The following CNTNAP2 variants were observed in gnomAD, a reference collection of about 807,000 sequenced individuals.
CNTNAP2 encodes contactin associated protein 2.
A neutral mutation model predicts 155.2 loss-of-function variants in CNTNAP2; 98 were observed. The ratio of observed to expected loss-of-function variants is 0.63; its 90% confidence interval spans 0.54 to 0.75. The LOEUF (loss-of-function observed/expected upper bound fraction) is 0.75, where lower values mean the gene tolerates loss of function less well. CNTNAP2 is among the 30% of genes least tolerant of loss of function. The pLI is 0.00. For synonymous variants in CNTNAP2, 651 were observed against 631.2 expected (o/e 1.03, Z -0.47); for missense variants, 1,727 against 1,688.1 (o/e 1.02, Z -0.40).
chr7:147,641,190 C>G (rs986697625), intron 13 of CNTNAP2, among the ~76,000 whole-genome samples: 92 of 152,322 alleles, frequency 6.0e-4, no homozygotes, highest in African/African-American at 2.0e-3. Flanking sequence ...GACCCCTTTT[C>G]CCCTCTATGT....
intron 1 of CNTNAP2, among the ~76,000 whole-genome samples, chr7:146,731,730 G>T (rs966847835): frequency 6.6e-6 from 1 of 152,084 alleles, no homozygotes; most frequent in Admixed American, 6.6e-5. Flanking sequence ...AAAATTATTT[G>T]TGCCTGGGAT....
intron 8 of CNTNAP2, among the ~76,000 whole-genome samples, chr7:147,276,514 G>C (rs1247017202): frequency 1.3e-5 from 2 of 151,974 alleles, no homozygotes; most frequent in African/African-American, 2.4e-5. Context: ...TCTCAGCTAT[G>C]TTACAGATAC....
chr7:147,110,099 A>G (rs182627939), intron 5 of CNTNAP2, among the ~76,000 whole-genome samples: 2 of 151,826 alleles, frequency 1.3e-5, no homozygotes, highest in African/African-American at 4.8e-5. Context: ...TAATTTTTGT[A>G]TTTTTAGTAG....
chr7:147,473,721 A>G (rs1231474060), intron 10 of CNTNAP2, among the ~76,000 whole-genome samples: 1 of 152,190 alleles, frequency 6.6e-6, no homozygotes, highest in Non-Finnish European at 1.5e-5. Context: ...ATGTAGATAG[A>G]TAGATATGGA....
intron 1 of CNTNAP2, among the ~76,000 whole-genome samples, chr7:146,539,606 C>T (rs1340263179): frequency 6.6e-6 from 1 of 151,810 alleles, no homozygotes; most frequent in East Asian, 1.9e-4. Flanking sequence ...TCTTATGGAG[C>T]AGTGCTGTTT....
intron 17 of CNTNAP2, 149 bp from the exon 18 acceptor site, chr7:148,172,093 C>G (rs1297309546): frequency 2.5e-6 from 2 of 798,286 alleles, no homozygotes; most frequent in Non-Finnish European, 4.2e-6. Context: ...AAAGCTTCAA[C>G]TTTCTCTATT....
chr7:146,950,783 A>G (rs1584743649), intron 3 of CNTNAP2, among the ~76,000 whole-genome samples: 1 of 152,124 alleles, frequency 6.6e-6, no homozygotes, highest in African/African-American at 2.4e-5. Context: ...GAGTAGAATG[A>G]TTTATAATCC....
chr7:148,119,863 A>C (rs1262412883), intron 16 of CNTNAP2, among the ~76,000 whole-genome samples: 1 of 151,982 alleles, frequency 6.6e-6, no homozygotes, highest in Non-Finnish European at 1.5e-5. Context: ...ATCTGATCTG[A>C]GCCAGGTCTG....
chr7:148,330,493 A>ATGGATGGATGGAG (rs1250061286), intron 21 of CNTNAP2, among the ~76,000 whole-genome samples: 1 of 142,822 alleles, frequency 7.0e-6, no homozygotes, highest in African/African-American at 2.7e-5. Flanking sequence ...GATGGAGTGG[A>ATGGATGGATGGAG]TGGATGGATG....
chr7:146,907,439 AAC>A lies in CNTNAP2; in HGVS notation c.402+67537_402+67538del, dbSNP rs1796159462. 2.7e-5 allele frequency among the ~76,000 whole-genome samples: 4 copies of A among 146,132 alleles called. No individual in the cohort carries two copies. The South Asian group carries it at 7.0e-4, about 25-fold the overall frequency. On this transcript the variant is annotated intron_variant, in intron 3 of 23. Coordinates refer to ENST00000361727, the MANE Select transcript of CNTNAP2 (RefSeq NM_014141.6). ...CCCTCAAAGGGAAGCCCATCAGACT[AAC>A]AGCGGATCTCTCGGCAGAAACCCTA...
intron 1 of CNTNAP2, among the ~76,000 whole-genome samples, chr7:146,378,104 C>G (rs778463015): frequency 6.6e-6 from 1 of 152,288 alleles, no homozygotes; most frequent in Non-Finnish European, 1.5e-5. Context: ...CCACATCAGA[C>G]CAGCTCAGTG....
intron 7 of CNTNAP2, 73 bp downstream of exon 7, chr7:147,128,909 C>T: frequency 7.6e-6 from 12 of 1,568,808 alleles, no homozygotes; most frequent in South Asian, 1.1e-5. Flanking sequence ...GATTATTGAA[C>T]AACAACAAAA....
chr7:146,777,988 C>T (rs1470988799), intron 2 of CNTNAP2, among the ~76,000 whole-genome samples: 1 of 151,576 alleles, frequency 6.6e-6, no homozygotes, highest in African/African-American at 2.4e-5. Flanking sequence ...AATATATGAA[C>T]ATTATAGAAT....
chr7:146,710,210 C>G (rs1801039153), intron 1 of CNTNAP2, among the ~76,000 whole-genome samples: 1 of 152,096 alleles, frequency 6.6e-6, no homozygotes, highest in Non-Finnish European at 1.5e-5. Context: ...AACCAGGACA[C>G]AAACACAAAA....
intron 14 of CNTNAP2, among the ~76,000 whole-genome samples, chr7:147,950,518 T>C (rs561833317): frequency 6.6e-6 from 1 of 152,178 alleles, no homozygotes; most frequent in African/African-American, 2.4e-5. Context: ...ACTGTTATAA[T>C]ACCCTTGGGC....
At chr7:147,477,775 C>T (rs1318678978) in intron 10 of CNTNAP2, among the ~76,000 whole-genome samples, 2 of 152,120 alleles carry the variant, frequency 1.3e-5, no homozygotes, top group Non-Finnish European at 2.9e-5. Context: ...ATCACACAAT[C>T]TCCCAGAAAT....
chr7:147,079,188 A>G (rs1800061927), intron 4 of CNTNAP2, among the ~76,000 whole-genome samples: 1 of 152,188 alleles, frequency 6.6e-6, no homozygotes, highest in African/African-American at 2.4e-5. Context: ...TTTAATCCTC[A>G]CTAACTGTGC....
At chr7:147,174,370 T>G (rs1006359287) in intron 8 of CNTNAP2, among the ~76,000 whole-genome samples, 1 of 152,100 alleles carries the variant, frequency 6.6e-6, no homozygotes, top group African/African-American at 2.4e-5. Context: ...CCTTCCTAAT[T>G]TTGACATACC....
At chr7:148,035,519 T>C (rs910431688) in intron 15 of CNTNAP2, among the ~76,000 whole-genome samples, 4 of 152,182 alleles carry the variant, frequency 2.6e-5, no homozygotes, top group Admixed American at 6.5e-5. Flanking sequence ...CCAGAAAGTA[T>C]AAGGGTAATC....
Sources: allele counts gnomAD v4.1 joint callset (sites outside exome capture counted in the v4.1 genomes callset), GRCh38; gene constraint gnomAD v4.1.1; transcripts MANE v1.5; gene names NCBI Gene and HGNC (gene_info 2026-07-23, HGNC 2026-07-21).